Variants in PUDP observed in about 807,000 individuals in gnomAD.
The protein encoded by PUDP is pseudouridine 5'-phosphatase.
A neutral mutation model predicts 9.4 loss-of-function variants in PUDP; 8 were observed. That is an observed-to-expected ratio of 0.85 (90% CI 0.50 to 1.53). The LOEUF is 1.53. Among genes scored for constraint, PUDP ranks in the 40% most tolerant of loss-of-function variants. The pLI is 0.00. For synonymous variants in PUDP, 99 were observed against 80.7 expected (o/e 1.23, Z -1.22); for missense variants, 188 against 189.7 (o/e 0.99, Z 0.05).
intron 2 of PUDP, among the ~76,000 whole-genome samples, chrX:7,078,101 T>C (rs1930971245): frequency 9.0e-6 from 1 of 111,411 alleles, no homozygotes. Context: ...GAAAAGAGCA[T>C]CCTCACACTG....
At chrX:6,998,061 C>T (rs1263367701) in intron 1 of PUDP, among the ~76,000 whole-genome samples, 4 of 111,642 alleles carry the variant, frequency 3.6e-5, no homozygotes, top group Non-Finnish European at 7.5e-5. Flanking sequence ...GTCTTGTGGA[C>T]CTGGTGAGGA....
chrX:6,829,828 G>T (rs1308679173), intron 3 of PUDP, among the ~76,000 whole-genome samples: 2 of 110,583 alleles, frequency 1.8e-5, no homozygotes, highest in Non-Finnish European at 3.8e-5. Context: ...TGGGTAAGAG[G>T]TACAAGGAGG....
At chrX:6,810,265 G>A (rs1199742292) in intron 3 of PUDP, among the ~76,000 whole-genome samples, 1 of 111,402 alleles carries the variant, frequency 9.0e-6, no homozygotes, top group Non-Finnish European at 1.9e-5. Flanking sequence ...AATAAAGTAG[G>A]GATAACATGC....
intron 3 of PUDP, among the ~76,000 whole-genome samples, chrX:6,764,491 TAA>T (rs1925261391): frequency 8.9e-6 from 1 of 111,823 alleles, no homozygotes; most frequent in Non-Finnish European, 1.9e-5. Context: ...TTTAAGACTA[TAA>T]ACACTTGTCT....
At chrX:6,706,158 G>T (rs1347756192) in intron 2 of PUDP, among the ~76,000 whole-genome samples, 1 of 112,313 alleles carries the variant, frequency 8.9e-6, no homozygotes. Context: ...TAGATTCGTG[G>T]TTACCAAGGG....
chrX:6,778,380 G>A (rs758331225), intron 3 of PUDP, among the ~76,000 whole-genome samples: 1 of 112,504 alleles, frequency 8.9e-6, no homozygotes, highest in East Asian at 2.8e-4. Flanking sequence ...CCAGGATGAC[G>A]AGGCATGCAA....
chrX:6,932,769 T>C (rs1406231097), intron 3 of PUDP, among the ~76,000 whole-genome samples: 7 of 111,831 alleles, frequency 6.3e-5, no homozygotes, highest in Admixed American at 9.4e-5. Flanking sequence ...CCCACCCGAA[T>C]ACTGCGCTTT....
chrX:6,723,271 T>TAA (rs72151981), upstream of PUDP, among the ~76,000 whole-genome samples: 70 of 92,794 alleles, frequency 7.5e-4, no homozygotes, highest in Middle Eastern at 5.3e-3. Context: ...CAAAAAACAA[T>TAA]AAAAAAAAAA....
chrX:6,904,199 G>A (rs762087241), intron 3 of PUDP, among the ~76,000 whole-genome samples: 3 of 110,444 alleles, frequency 2.7e-5, no homozygotes, highest in Non-Finnish European at 5.7e-5. Flanking sequence ...TGATCCATCC[G>A]CCTCAGCCTC....
At chrX:6,736,905 T>C (rs1214208060) in intron 3 of PUDP, among the ~76,000 whole-genome samples, 3 of 111,832 alleles carry the variant, frequency 2.7e-5, no homozygotes, top group African/African-American at 9.8e-5. Flanking sequence ...TCAGGTACTA[T>C]GCTGATTACT....
chrX:6,991,201 C>T (rs1340092653), intron 1 of PUDP, among the ~76,000 whole-genome samples: 1 of 111,716 alleles, frequency 9.0e-6, no homozygotes, highest in East Asian at 2.8e-4. Context: ...TACTCTCCAG[C>T]GGACCATTCA....
At chrX:7,006,203 G>C (rs1384239819) in intron 1 of PUDP, among the ~76,000 whole-genome samples, 13 of 111,817 alleles carry the variant, frequency 1.2e-4, no homozygotes, top group African/African-American at 4.2e-4. Flanking sequence ...CACAGGAGTG[G>C]AATGGCCAAG....
chrX:6,715,252 T>C lies in PUDP; in HGVS notation n.128+6165A>G, dbSNP rs1165072426. On this transcript the variant is annotated intron_variant and non_coding_transcript_variant, in intron 1 of 2. Coordinates refer to the PUDP transcript ENST00000438499. ...TTCCATCCCAATAAATATTTGTACA[T>C]CATTTTGTGGCCCCCGCAGCATTCC... is the stretch of plus-strand genomic sequence containing the variant. Among the ~76,000 whole-genome samples the C allele has an allele frequency of 5.4e-5, 6 of 111,240 alleles. 1 individual carries two copies. The East Asian group carries it at 1.7e-3, about 31-fold the overall frequency.
At chrX:7,142,655 T>TC (rs1294855679) in intron 1 of PUDP, among the ~76,000 whole-genome samples, 1 of 102,782 alleles carries the variant, frequency 9.7e-6, no homozygotes, top group Non-Finnish European at 2.0e-5. Context: ...TTTTTTTTTT[T>TC]TTTTTTTGAG....
chrX:6,718,552 C>T lies in PUDP; in HGVS notation n.128+2865G>A, dbSNP rs1031375895. ...ATAAGTGGGAGCTAAATAATGCGTA[C>T]ACTTGGACATAAAGAGTGGAATAAT... is the stretch of plus-strand genomic sequence containing the variant. On this transcript the variant is annotated intron_variant and non_coding_transcript_variant, in intron 1 of 2. Transcript: ENST00000438499. 7.2e-5 allele frequency among the ~76,000 whole-genome samples: 8 copies of T among 111,012 alleles called. No individual in the cohort carries two copies. The South Asian group carries it at 3.1e-3, about 43-fold the overall frequency.
chrX:6,953,662 G>T (rs1450657050), intron 3 of PUDP, among the ~76,000 whole-genome samples: 1 of 110,858 alleles, frequency 9.0e-6, no homozygotes, highest in Non-Finnish European at 1.9e-5. Context: ...AAATGCCAGG[G>T]TCTGTGCCCT....
chrX:6,857,996 T>C (rs921160850), intron 3 of PUDP, among the ~76,000 whole-genome samples: 1 of 111,872 alleles, frequency 8.9e-6, no homozygotes, highest in Non-Finnish European at 1.9e-5. Context: ...CTGAAGTTAA[T>C]AGCGTCAGGA....
At chrX:6,749,402 A>G (rs1432871252) in intron 3 of PUDP, among the ~76,000 whole-genome samples, 4 of 111,257 alleles carry the variant, frequency 3.6e-5, no homozygotes, top group Non-Finnish European at 5.7e-5. Flanking sequence ...GGTTGGTGGG[A>G]CTGAGCTGAT....
intron 2 of PUDP, among the ~76,000 whole-genome samples, chrX:7,096,097 C>T (rs1441260607): frequency 8.9e-6 from 1 of 111,933 alleles, no homozygotes; most frequent in Non-Finnish European, 1.9e-5. Flanking sequence ...CTCTGAGTGC[C>T]TTCCCATCCC....
Sources: gnomAD v4.1 joint callset for allele counts (sites outside exome capture counted in the v4.1 genomes callset) on GRCh38, gnomAD v4.1.1 for gene constraint, MANE v1.5 for transcripts, NCBI Gene and HGNC (gene_info 2026-07-23, HGNC 2026-07-21) for gene names.